HNRNPDL: variants seen among roughly 807,000 people sequenced by gnomAD.
The protein encoded by HNRNPDL is heterogeneous nuclear ribonucleoprotein D-like.
In HNRNPDL, 18 loss-of-function variants were observed where a neutral mutation model predicts 48.0. That is an observed-to-expected ratio of 0.38 (90% CI 0.26 to 0.56). The LOEUF (loss-of-function observed/expected upper bound fraction) is 0.56. Among genes scored for constraint, HNRNPDL ranks in the 20% least tolerant of loss-of-function variants. The pLI, the probability that HNRNPDL is intolerant of heterozygous loss-of-function variation, is 0.77. For synonymous variants in HNRNPDL, 306 were observed against 207.3 expected, an observed-to-expected ratio of 1.48 and a Z score of -4.09; for missense variants, 553 against 540.7, an observed-to-expected ratio of 1.02 and a Z score of -0.23.
chr4:82,427,585 C>T, intron 3 of HNRNPDL, 21 bp from the exon 4 acceptor site: 1 of 1,603,116 alleles, frequency 6.2e-7, no homozygotes, highest in Non-Finnish European at 8.5e-7. Context: ...GATGCACACT[C>T]AACGTCATCC....
Position 82,423,592 on chromosome 4 carries a change from G to A in HNRNPDL, c.*1314C>T, listed in dbSNP as rs559768423. On this transcript the variant is annotated 3_prime_UTR_variant, in exon 8 of 8. Coordinates refer to ENST00000295470, the MANE Select transcript of HNRNPDL (RefSeq NM_031372.4). The stretch of plus-strand genomic sequence containing the variant: ...CCAGTTTTGTGAGATCACCCGTTGT[G>A]TGAGATCAACTACTCTGCCTGTGAA... The A allele has an allele frequency of 2.6e-5, 4 of 152,038 alleles. No individual in the cohort carries two copies. The highest frequency in any genetic ancestry group is 4.2e-4 in the South Asian group (2 of 4,810). The allele number at this position is 152,038 out of a possible 1,614,324, so 9.4% of individuals were successfully genotyped here. A position where few individuals can be genotyped will look rare whatever the true frequency, so the allele number is the denominator to read the frequency against.
intron 4 of HNRNPDL, 34 bp downstream of exon 4, chr4:82,427,399 T>G: frequency 6.4e-7 from 1 of 1,551,902 alleles, no homozygotes; most frequent in Non-Finnish European, 8.7e-7. Context: ...TTCAATTATT[T>G]AAATTTTCAT....
At position 82,429,379 on chromosome 4, in the gene HNRNPDL, C is replaced by G. The variant is rs1469863347; in HGVS notation, c.312G>C (p.Ala104=). The change falls in exon 1 of 8, where the codon GCG becomes GCC. Residue 104 remains alanine, a synonymous_variant. Coordinates refer to ENST00000295470, the MANE Select transcript of HNRNPDL (RefSeq NM_031372.4). ...GGGGGTGCTGGCGCGCAGTCCGGGT[C>G]GCGGCAGCAGCGGCGGCGGAGCGTT... ...SIQRSAAAAA[A]TRTARQHPPA... is the part of the protein sequence containing the mutation. 4 of 1,613,488 alleles carry G rather than the reference C, an allele frequency of 2.5e-6. No homozygotes were observed. Among genetic ancestry groups the G allele is most frequent in the East Asian group, 2.2e-5 (1 of 44,790 alleles).
intron 6 of HNRNPDL, among the ~76,000 whole-genome samples, 160 bp downstream of exon 6, chr4:82,426,303 G>A (rs988461644): frequency 3.3e-5 from 5 of 152,130 alleles, no homozygotes; most frequent in African/African-American, 1.2e-4. Context: ...ATAACCACCA[G>A]TCTATGTTAG....
chr4:82,428,598 T>C, intron 1 of HNRNPDL, 152 bp from the exon 2 acceptor site: 1 of 666,640 alleles, frequency 1.5e-6, no homozygotes, highest in Admixed American at 3.0e-5. Flanking sequence ...CACACAAAAA[T>C]CCCAATATCC....
chr4:82,428,540 A>T (rs1721516107), intron 1 of HNRNPDL, 94 bp from the exon 2 acceptor site: 1 of 969,076 alleles, frequency 1.0e-6, no homozygotes, highest in African/African-American at 1.6e-5. Context: ...AGGGACATTT[A>T]CCCCCTAAGT....
In HNRNPDL at chr4:82,423,851, T is replaced by C. The variant is rs1721298798; in HGVS notation, c.*1055A>G. The C allele has an allele frequency of 6.6e-6, 1 of 152,238 alleles. No individual in the cohort carries two copies. The highest frequency in any genetic ancestry group is 2.4e-5 in the African/African-American group (1 of 41,462). The allele number at this position is 152,238 out of a possible 1,614,324, so 9.4% of individuals were successfully genotyped here. ...CAAGATACCTTTTCCACTATTCCTT[T>C]CTGAATATGTAAATATTTAACTACT... On this transcript the variant is annotated 3_prime_UTR_variant, in exon 8 of 8. Coordinates refer to ENST00000295470, the MANE Select transcript of HNRNPDL (RefSeq NM_031372.4).
rs376898265 is a variant in HNRNPDL, at chr4:82,429,350, G to C, written c.341C>G (p.Ala114Gly). Reference sequence around the variant, plus strand: ...ATCCTCCATAGTGACGGAGCTGTCGGCAGGGGGGTGCTGGCGCGCAGTCCG... The same window carrying C: ...ATCCTCCATAGTGACGGAGCTGTCGCCAGGGGGGTGCTGGCGCGCAGTCCG... ...ATRTARQHPP[A>G]DSSVTMEDMN... Residue 114 changes from alanine (A) to glycine (G), a missense_variant, in exon 1 of 8, where the codon GCC becomes GGC. Ala to Gly is a moderately conservative substitution (Grantham distance 60, BLOSUM62 0). Around this residue, in one of 4 missense-constraint regions of HNRNPDL, gnomAD observed 327 missense variants for 203.2 expected, o/e 1.61. Coordinates refer to ENST00000295470, the MANE Select transcript of HNRNPDL (RefSeq NM_031372.4). 1.9e-6 allele frequency: 3 copies of C among 1,613,564 alleles called. No homozygotes were observed. The highest frequency in any genetic ancestry group is 8.5e-7 in the Non-Finnish European group (1 of 1,179,898).
At chr4:82,427,996 A>G (rs1721489917) in intron 3 of HNRNPDL, 22 bp downstream of exon 3, 5 of 1,604,716 alleles carry the variant, frequency 3.1e-6, no homozygotes, top group Non-Finnish European at 1.7e-6. Flanking sequence ...CAAGCTTAAC[A>G]TGTGTAAACA....
chr4:82,426,473 T>C lies in HNRNPDL; in HGVS notation c.1182A>G (p.Ala394=). The C allele has an allele frequency of 1.2e-6, 2 of 1,610,060 alleles. No individual in the cohort carries two copies. The highest frequency in any genetic ancestry group is 1.7e-6 in the Non-Finnish European group (2 of 1,176,672). ...GTTAAATATTCTTACCACTGTAGTC[T>C]GCATATCCCTGTCCATATCCATAGT... ...YGNYGYGQGY[A]DYSGQQSTYG... Residue 394 remains alanine (A), a synonymous_variant, in exon 6 of 8, where the codon GCA becomes GCG. Coordinates refer to ENST00000295470, the MANE Select transcript of HNRNPDL (RefSeq NM_031372.4).
Position 82,426,643 on chromosome 4 carries a change from T to C in HNRNPDL, c.1022-10A>G, listed in dbSNP as rs1258860286. The C allele has an allele frequency of 3.1e-6, 5 of 1,611,936 alleles. No homozygotes were observed. Among genetic ancestry groups the C allele is most frequent in the East Asian group, 2.2e-5 (1 of 44,850 alleles). ...CAGTTTTGGCCCTGACCTGAAACAA[T>C]GCACAATGATTGTTAGGAAACAACT... On this transcript the variant is annotated splice_polypyrimidine_tract_variant and intron_variant, in intron 5 of 7. Coordinates refer to ENST00000295470, the MANE Select transcript of HNRNPDL (RefSeq NM_031372.4).
At chr4:82,426,889 C>T (rs942610311) in intron 5 of HNRNPDL, among the ~76,000 whole-genome samples, 144 of 152,160 alleles carry the variant, frequency 9.5e-4, no homozygotes, top group Non-Finnish European at 1.2e-4. Flanking sequence ...GTACACTGTT[C>T]TGTTTAAAAC....
chr4:82,428,029 C>T lies in HNRNPDL; in HGVS notation c.763G>A (p.Ala255Thr). 3 of 1,613,930 alleles carry T rather than the reference C, an allele frequency of 1.9e-6. No individual in the cohort carries two copies. The change falls in exon 3 of 8, where the codon GCC (alanine) becomes ACC (threonine). Residue 255 changes from alanine (A) to threonine (T), a missense_variant. Transcript: ENST00000295470. ...SEEQIKEYFGAFGEIENIELP... is the reference protein window; with the variant it reads ...SEEQIKEYFGTFGEIENIELP... ...ACATAATCACACACCTCTCCAAAGG[C>T]TCCAAAATATTCTTTAATTTGTTCT... is the stretch of plus-strand genomic sequence containing the variant.
Position 82,430,402 on chromosome 4 carries a change from C to T in HNRNPDL, c.-712G>A, listed in dbSNP as rs538603579. The T allele has an allele frequency of 2.2e-5, 4 of 183,292 alleles. No individual in the cohort carries two copies. In the East Asian group the frequency reaches 6.5e-4, roughly 30 times the overall value. 11.4% of individuals were successfully genotyped at this position (183,292 alleles called of 1,614,324 possible). On this transcript the variant is annotated 5_prime_UTR_variant, in exon 1 of 8. Coordinates refer to ENST00000295470, the MANE Select transcript of HNRNPDL (RefSeq NM_031372.4). ...ACGTGCCCCGGGCCTCTCCCGCTCGCTCAACCTGTCTGCGGAGGGCGCGCT... is the reference window on the plus strand; with the variant it reads ...ACGTGCCCCGGGCCTCTCCCGCTCGTTCAACCTGTCTGCGGAGGGCGCGCT...
At position 82,429,362 on chromosome 4, in the gene HNRNPDL, T is replaced by C. The variant is rs757117165; in HGVS notation, c.329A>G (p.Gln110Arg). 95 of 1,613,400 alleles carry C rather than the reference T, an allele frequency of 5.9e-5. No individual in the cohort carries two copies. The highest frequency in any genetic ancestry group is 3.7e-4 in the Admixed American group (22 of 59,996). ...AAAAATRTARQHPPADSSVTM... is the reference protein window; with the variant it reads ...AAAAATRTARRHPPADSSVTM... ...GACGGAGCTGTCGGCAGGGGGGTGC[T>C]GGCGCGCAGTCCGGGTCGCGGCAGC... Residue 110 changes from glutamine (Q) to arginine (R), a missense_variant, in exon 1 of 8, where the codon CAG becomes CGG. Transcript: ENST00000295470.
At position 82,426,596 on chromosome 4, in the gene HNRNPDL, A is replaced by G. The variant is rs1298966438; in HGVS notation, c.1059T>C (p.Tyr353=). ...TGTAATTTCCATATCCTTGATCATA[A>G]TAGTTATTAAATCCTTGGTTCCAGT... ...GQNWNQGFNN[Y]YDQGYGNYNS... The change falls in exon 6 of 8, where the codon TAT becomes TAC. Residue 353 remains tyrosine (Y), a synonymous_variant. Transcript: ENST00000295470. 2 of 1,613,702 alleles carry G rather than the reference A, an allele frequency of 1.2e-6. No homozygotes were observed. Among genetic ancestry groups the G allele is most frequent in the African/African-American group, 1.3e-5 (1 of 74,904 alleles).
intron 3 of HNRNPDL, 78 bp from the exon 4 acceptor site, chr4:82,427,642 G>T: frequency 1.5e-6 from 2 of 1,335,072 alleles, no homozygotes; most frequent in Admixed American, 2.0e-5. Flanking sequence ...GGCCTTTTCA[G>T]GCTTCAACTT....
chr4:82,427,072 C>T (rs912259805), intron 5 of HNRNPDL, 118 bp downstream of exon 5: 10 of 783,168 alleles, frequency 1.3e-5, no homozygotes, highest in South Asian at 8.8e-5. Context: ...GCTGAACAGT[C>T]CCCCCTCCGC....
In HNRNPDL at chr4:82,424,684, T is replaced by A. The variant is rs938155084; in HGVS notation, c.*222A>T. Reference sequence around the variant, plus strand: ...CATGAAATGATACAAATAAAATGTGTATAAACAAATCCACATTGAGTCATA... The same window carrying A: ...CATGAAATGATACAAATAAAATGTGAATAAACAAATCCACATTGAGTCATA... On this transcript the variant is annotated 3_prime_UTR_variant, in exon 8 of 8. Coordinates refer to ENST00000295470, the MANE Select transcript of HNRNPDL (RefSeq NM_031372.4). The A allele has an allele frequency of 3.3e-5, 5 of 152,668 alleles. No individual in the cohort carries two copies. The highest frequency in any genetic ancestry group is 7.3e-5 in the Non-Finnish European group (5 of 68,048). The allele number at this position is 152,668 out of a possible 1,614,324, so 9.5% of individuals were successfully genotyped here. A position where few individuals can be genotyped will look rare whatever the true frequency, so the allele number is the denominator to read the frequency against.
Sources: gnomAD v4.1 joint callset for allele counts (sites outside exome capture counted in the v4.1 genomes callset) on GRCh38, gnomAD v4.1.1 for gene constraint, gnomAD v4.1.1 regional missense constraint, MANE v1.5 for transcripts, NCBI Gene and HGNC (gene_info 2026-07-23, HGNC 2026-07-21) for gene names.